The following TATDN2 variants were observed in gnomAD, a reference collection of about 807,000 sequenced individuals.
The protein encoded by TATDN2 is TatD DNase domain containing 2, also known as 3'-5' RNA nuclease TATDN2.
Under a neutral mutation model 60.3 loss-of-function variants are expected in TATDN2, and 44 were observed. The ratio of observed to expected loss-of-function variants is 0.73; its 90% CI spans 0.57 to 0.94. The LOEUF (loss-of-function observed/expected upper bound fraction) is 0.94, where lower values mean the gene tolerates loss of function less well. Among genes scored for constraint, TATDN2 ranks in the 40% least tolerant of loss-of-function variants. The probability of loss-of-function intolerance (pLI) is 0.00; values close to 1 mark genes in which losing one functional copy is unlikely to be tolerated. For synonymous variants in TATDN2, 399 were observed against 355.8 expected (o/e 1.12, Z -1.37); for missense variants, 997 against 948.0 (o/e 1.05, Z -0.68).
At chr3:10,276,271 A>G in intron 4 of TATDN2, 90 bp from the exon 5 acceptor site, 1 of 1,495,732 alleles carries the variant, frequency 6.7e-7, no homozygotes, top group South Asian at 1.3e-5. Flanking sequence ...AGAGAGACAC[A>G]GGGGGTGCCT....
intron 3 of TATDN2, among the ~76,000 whole-genome samples, chr3:10,265,040 C>T (rs1056053771): frequency 1.5e-4 from 9 of 60,772 alleles, no homozygotes; most frequent in African/African-American, 4.6e-4. Context: ...TTTTCCTGTG[C>T]GTGGTTTTTT....
intron 2 of TATDN2, among the ~76,000 whole-genome samples, chr3:10,255,493 A>G (rs1201142798): frequency 6.6e-6 from 1 of 152,044 alleles, no homozygotes; most frequent in African/African-American, 2.4e-5. Flanking sequence ...ATGAAAATAT[A>G]AGGTATATTA....
intron 2 of TATDN2, 106 bp downstream of exon 2, chr3:10,249,720 G>GA: frequency 8.0e-7 from 1 of 1,254,300 alleles, no homozygotes. Context: ...TTACATCCTT[G>GA]AAGGTCTGGA....
chr3:10,265,043 G>GT (rs1698458176), intron 3 of TATDN2, among the ~76,000 whole-genome samples: 1 of 114,288 alleles, frequency 8.7e-6, no homozygotes, highest in Non-Finnish European at 1.8e-5. Flanking sequence ...TCCTGTGCGT[G>GT]GTTTTTTTTT....
intron 3 of TATDN2, among the ~76,000 whole-genome samples, chr3:10,262,768 G>A (rs1182216580): frequency 6.6e-6 from 1 of 151,802 alleles, no homozygotes; most frequent in Non-Finnish European, 1.5e-5. Context: ...CTTCTGACCT[G>A]AGGTGATCCA....
At chr3:10,264,284 C>T (rs115525380) in intron 3 of TATDN2, among the ~76,000 whole-genome samples, 3,549 of 152,280 alleles carry the variant, frequency 0.023, 65 homozygotes, top group Middle Eastern at 0.1. Flanking sequence ...TTTCCTGGTG[C>T]CTAGCTTAGG....
chr3:10,255,990 A>G (rs1307158976), intron 2 of TATDN2, among the ~76,000 whole-genome samples: 2 of 152,130 alleles, frequency 1.3e-5, no homozygotes, highest in East Asian at 1.9e-4. Context: ...TGAACTGAAG[A>G]ATTGAATGAC....
chr3:10,265,044 GTT>G lies in TATDN2; in HGVS notation c.948+4388_948+4389del, dbSNP rs747922225. Among the ~76,000 whole-genome samples, 77 of 109,734 alleles carry G rather than the reference GTT, an allele frequency of 7.0e-4. 1 individual carries two copies. Among genetic ancestry groups the G allele is most frequent in the African/African-American group, 2.4e-3 (69 of 29,240 alleles). 72.0% of individuals were successfully genotyped at this position (109,734 alleles called of 152,430 possible). On this transcript the variant is annotated intron_variant, in intron 3 of 7. Coordinates refer to ENST00000448281, the MANE Select transcript of TATDN2 (RefSeq NM_014760.4). ...CTTTTTTTTTTTTTTCCTGTGCGTG[GTT>G]TTTTTTTTTTTTTATTGCTGCCAAT... is the stretch of plus-strand genomic sequence containing the variant.
intron 2 of TATDN2, among the ~76,000 whole-genome samples, chr3:10,255,838 A>T (rs149542232): frequency 6.6e-6 from 1 of 152,284 alleles, no homozygotes; most frequent in East Asian, 1.9e-4. Flanking sequence ...ACTACTCAGG[A>T]GGCTGAGGCA....
At chr3:10,263,914 C>A (rs758702328) in intron 3 of TATDN2, among the ~76,000 whole-genome samples, 1 of 152,158 alleles carries the variant, frequency 6.6e-6, no homozygotes, top group Non-Finnish European at 1.5e-5. Flanking sequence ...TTTAGGAAAG[C>A]CTCGAGACTG....
chr3:10,249,498 G>A lies in TATDN2; in HGVS notation c.298G>A (p.Gly100Ser). The change falls in exon 2 of 8, where the codon GGC becomes AGC. Residue 100 changes from glycine (G) to serine (S), a missense_variant. By Grantham distance (56) the Gly-to-Ser change is moderately conservative. Coordinates refer to ENST00000448281, the MANE Select transcript of TATDN2 (RefSeq NM_014760.4). ...TGGTGTGGGCGGGGCCGCCTCCAAA[G>A]GCTGCCTGATTCGGAACACTCGGGG... ...GPGVGGAASK[G>S]CLIRNTRGFL... 1 of 1,612,270 alleles carries A rather than the reference G, an allele frequency of 6.2e-7. No homozygotes were observed. Among genetic ancestry groups the A allele is most frequent in the Non-Finnish European group, 8.5e-7 (1 of 1,179,166 alleles).
chr3:10,249,147 G>A, intron 1 of TATDN2, 48 bp from the exon 2 acceptor site: 6 of 1,482,138 alleles, frequency 4.0e-6, no homozygotes, highest in Non-Finnish European at 5.4e-6. Flanking sequence ...CTGAGGTGGG[G>A]TCGCCAGGAA....
chr3:10,257,787 C>G (rs1398766641), intron 2 of TATDN2, among the ~76,000 whole-genome samples: 1 of 139,376 alleles, frequency 7.2e-6, no homozygotes, highest in African/African-American at 2.6e-5. Context: ...AGTTTGAGTA[C>G]TTTCAGGAAA....
chr3:10,261,144 T>C (rs1698396016), intron 3 of TATDN2, among the ~76,000 whole-genome samples: 1 of 152,196 alleles, frequency 6.6e-6, no homozygotes, highest in Admixed American at 6.5e-5. Flanking sequence ...ATTCCTTCCC[T>C]GTTAAGAGCT....
chr3:10,249,280 G>C lies in TATDN2; in HGVS notation c.80G>C (p.Arg27Pro). 6.3e-7 allele frequency: 1 copy of C among 1,594,132 alleles called. No homozygotes were observed. ...TGTCCCCGCAAGCGCAGCTGCCTCC[G>C]GGAGCCCTGTGATGTGGCCCCCTCC... is the stretch of plus-strand genomic sequence containing the variant. ...EGCPRKRSCL[R>P]EPCDVAPSSR... Residue 27 changes from arginine to proline, a missense_variant, in exon 2 of 8, where the codon CGG (arginine) becomes CCG (proline). Arg to Pro is a moderately radical substitution (Grantham distance 103, BLOSUM62 -2). Transcript: ENST00000448281.
rs1429178144 is a variant in TATDN2, at chr3:10,270,632, A to T, written c.1450A>T (p.Lys484Ter). 6.2e-7 allele frequency: 1 copy of T among 1,614,116 alleles called. No homozygotes were observed. Among genetic ancestry groups the T allele is most frequent in the Non-Finnish European group, 8.5e-7 (1 of 1,180,048 alleles). ...AGGACACGCATCCAGCTCCCTGCCA[A>T]AGAGCCACCTGGAGCCAAGCCTAGA... ...CGGHASSSLP[K>*]SHLEPSLEEG... Residue 484 changes from lysine (K) to a stop codon, truncating the protein, a stop_gained, in exon 4 of 8, where the codon AAG (lysine) becomes TAG (stop). Transcript: ENST00000448281. LOFTEE classifies it high-confidence loss of function.
chr3:10,266,116 G>C (rs1314446982), intron 3 of TATDN2, among the ~76,000 whole-genome samples: 2 of 152,102 alleles, frequency 1.3e-5, no homozygotes, highest in East Asian at 3.8e-4. Flanking sequence ...TGTTCATTTT[G>C]TGTGCTTTCC....
chr3:10,276,270 CAG>C (rs1277300719), intron 4 of TATDN2, 89 bp from the exon 5 acceptor site: 62 of 1,491,140 alleles, frequency 4.2e-5, no homozygotes, highest in East Asian at 1.4e-4. Flanking sequence ...AAGAGAGACA[CAG>C]GGGGTGCCTG....
Sources: allele counts gnomAD v4.1 joint callset (sites outside exome capture counted in the v4.1 genomes callset), GRCh38; gene constraint gnomAD v4.1.1; transcripts MANE v1.5; gene names NCBI Gene and HGNC (gene_info 2026-07-23, HGNC 2026-07-21).